Variants in PCSK5 observed in about 807,000 individuals in gnomAD.
PCSK5 encodes proprotein convertase subtilisin/kexin type 5, also known as prohormone convertase 5.
PCSK5 carries 129 observed loss-of-function variants against 233.2 expected under a neutral mutation model. The observed-to-expected ratio is 0.55, with a 90% CI of 0.48 to 0.64. PCSK5 has a LOEUF of 0.64. Among genes scored for constraint, PCSK5 ranks in the 30% least tolerant of loss-of-function variants. The pLI is 0.00. For missense variants in PCSK5, 2,076 were observed against 2,430.1 expected (o/e 0.85, Z 3.06); for synonymous variants, 825 against 879.2 (o/e 0.94, Z 1.09).
At chr9:76,049,816 G>A (rs1222365809) in intron 5 of PCSK5, among the ~76,000 whole-genome samples, 3 of 152,166 alleles carry the variant, frequency 2.0e-5, no homozygotes, top group African/African-American at 7.2e-5. Context: ...AGTGAAGTCA[G>A]GCATTTATAA....
intron 35 of PCSK5, 121 bp downstream of exon 35, chr9:76,338,568 G>T: frequency 1.5e-6 from 1 of 671,416 alleles, no homozygotes. Flanking sequence ...TACCTCGTGT[G>T]TGATCCTCTC....
intron 12 of PCSK5, among the ~76,000 whole-genome samples, 182 bp from the exon 13 acceptor site, chr9:76,169,522 C>T (rs536300153): frequency 2.0e-5 from 3 of 151,796 alleles, no homozygotes; most frequent in Non-Finnish European, 4.4e-5. Flanking sequence ...TGTGGTAAAA[C>T]AATGATTTAT....
At chr9:76,282,407 C>A (rs1173720391) in intron 24 of PCSK5, among the ~76,000 whole-genome samples, 2 of 145,192 alleles carry the variant, frequency 1.4e-5, no homozygotes, top group African/African-American at 5.1e-5. Flanking sequence ...GCAGCCTTGA[C>A]CTCCGAGGCT....
intron 5 of PCSK5, among the ~76,000 whole-genome samples, chr9:76,048,340 TC>T (rs1398425057): frequency 6.6e-6 from 1 of 152,198 alleles, no homozygotes; most frequent in African/African-American, 2.4e-5. Context: ...TGTTTGGCTT[TC>T]TCACTTAGGA....
chr9:75,986,026 G>A, intron 2 of PCSK5, 106 bp from the exon 3 acceptor site: 1 of 680,116 alleles, frequency 1.5e-6, no homozygotes, highest in African/African-American at 1.8e-5. Flanking sequence ...AGTGAAACTT[G>A]TGACTTAAAT....
At chr9:76,355,189 A>G (rs547288985) in intron 37 of PCSK5, among the ~76,000 whole-genome samples, 1 of 152,220 alleles carries the variant, frequency 6.6e-6, no homozygotes, top group Non-Finnish European at 1.5e-5. Context: ...AAAAAGAAAC[A>G]TGGCCGGGCG....
At chr9:76,330,474 C>A (rs922581485) in intron 33 of PCSK5, among the ~76,000 whole-genome samples, 1 of 152,034 alleles carries the variant, frequency 6.6e-6, no homozygotes, top group African/African-American at 2.4e-5. Flanking sequence ...GTAGGCTGGG[C>A]GCAGTGGCTC....
intron 24 of PCSK5, among the ~76,000 whole-genome samples, chr9:76,289,326 T>A (rs1828191618): frequency 6.6e-6 from 1 of 152,022 alleles, no homozygotes; most frequent in Non-Finnish European, 1.5e-5. Context: ...ACTTTCCCCA[T>A]CTCTCCCCAA....
intron 9 of PCSK5, among the ~76,000 whole-genome samples, chr9:76,130,288 G>A (rs188981348): frequency 4.6e-5 from 7 of 152,220 alleles, no homozygotes; most frequent in Admixed American, 1.3e-4. Flanking sequence ...CCATGAGGAC[G>A]CGACGTGCCA....
Position 76,158,966 on chromosome 9 carries a change from A to ATTG in PCSK5, c.1431-16_1431-15insTGT. ...GTGATGTCATTTGCTCAAACTCTCC[A>ATTG]TCTCTCTCTGTTACAGGACAATCCG... On this transcript the variant is annotated splice_polypyrimidine_tract_variant and intron_variant, in intron 11 of 37. Transcript: ENST00000674117. 6.2e-7 allele frequency: 1 copy of ATTG among 1,606,516 alleles called. No individual in the cohort carries two copies. Among genetic ancestry groups the ATTG allele is most frequent in the South Asian group, 1.1e-5 (1 of 90,694 alleles).
At chr9:76,093,338 T>C (rs946601399) in intron 7 of PCSK5, among the ~76,000 whole-genome samples, 17 of 152,012 alleles carry the variant, frequency 1.1e-4, no homozygotes, top group Non-Finnish European at 2.2e-4. Context: ...CAGATGATCC[T>C]CCTGCCTTGG....
At chr9:75,935,220 A>G (rs1231955731) in intron 2 of PCSK5, among the ~76,000 whole-genome samples, 2 of 152,050 alleles carry the variant, frequency 1.3e-5, no homozygotes, top group Non-Finnish European at 1.5e-5. Flanking sequence ...GGTGCATGCC[A>G]CCACGCCCAG....
chr9:75,969,744 C>T (rs1185009078), intron 2 of PCSK5, among the ~76,000 whole-genome samples: 1 of 152,114 alleles, frequency 6.6e-6, no homozygotes, highest in African/African-American at 2.4e-5. Flanking sequence ...CATGAATTAG[C>T]TCATTTACTC....
chr9:75,986,006 T>C (rs1479659439), intron 2 of PCSK5, 126 bp from the exon 3 acceptor site: 1 of 624,030 alleles, frequency 1.6e-6, no homozygotes, highest in Non-Finnish European at 2.9e-6. Context: ...TCAGAGATTT[T>C]AGTAGCCACA....
rs1823044219 is a variant in PCSK5, at chr9:75,917,203, T to C, written c.193-15176T>C. 2.0e-5 allele frequency among the ~76,000 whole-genome samples: 3 copies of C among 147,850 alleles called. No individual in the cohort carries two copies. The South Asian group carries it at 6.4e-4, about 31-fold the overall frequency. ...AAAAAAAAAAAAGATGGGAAAAGCA[T>C]ATGAATATAAGCAGTTAATATTGGT... On this transcript the variant is annotated intron_variant, in intron 1 of 37. Transcript: ENST00000674117.
intron 8 of PCSK5, among the ~76,000 whole-genome samples, chr9:76,106,241 C>T (rs1157273035): frequency 6.6e-6 from 1 of 152,214 alleles, no homozygotes; most frequent in Non-Finnish European, 1.5e-5. Flanking sequence ...AATGAGACCA[C>T]TAACTCCTCT....
intron 24 of PCSK5, among the ~76,000 whole-genome samples, chr9:76,257,405 G>A (rs941227782): frequency 2.0e-5 from 3 of 152,172 alleles, no homozygotes; most frequent in African/African-American, 7.2e-5. Flanking sequence ...TGCTCAACAG[G>A]CTGGTCTCCA....
chr9:75,955,112 G>A (rs1280433626), intron 2 of PCSK5, among the ~76,000 whole-genome samples: 2 of 152,136 alleles, frequency 1.3e-5, no homozygotes, highest in African/African-American at 4.8e-5. Flanking sequence ...GGCAAGTGCT[G>A]TGCATTCATA....
At chr9:76,002,328 A>G (rs1827297791) in intron 3 of PCSK5, among the ~76,000 whole-genome samples, 1 of 152,210 alleles carries the variant, frequency 6.6e-6, no homozygotes, top group Admixed American at 6.5e-5. Flanking sequence ...ACGGACCTCA[A>G]GTTCCTAATG....
Sources: gnomAD v4.1 joint callset for allele counts (sites outside exome capture counted in the v4.1 genomes callset) on GRCh38, gnomAD v4.1.1 for gene constraint, MANE v1.5 for transcripts, NCBI Gene and HGNC (gene_info 2026-07-23, HGNC 2026-07-21) for gene names.